The following RARA variants were observed in gnomAD, a reference collection of about 807,000 sequenced individuals.
The protein encoded by RARA is PML-DDX5-RARA fusion.
A neutral mutation model predicts 42.8 loss-of-function variants in RARA; 5 were observed. That is an observed-to-expected ratio of 0.12 (90% confidence interval 0.06 to 0.25). The LOEUF is 0.25. RARA is among the 10% of genes least tolerant of loss of function. RARA has a pLI of 1.00. For missense variants in RARA, 402 were observed against 628.7 expected (o/e 0.64, Z 3.86); for synonymous variants, 256 against 259.5 (o/e 0.99, Z 0.13).
intron 2 of RARA, among the ~76,000 whole-genome samples, chr17:40,343,919 A>T (rs2034162214): frequency 6.6e-6 from 1 of 152,122 alleles, no homozygotes; most frequent in African/African-American, 2.4e-5. Flanking sequence ...CGCAGCTGTG[A>T]GGCAGTGTAC....
intron 2 of RARA, chr17:40,341,725 G>A (rs370663795): frequency 3.1e-6 from 4 of 1,307,082 alleles, no homozygotes; most frequent in African/African-American, 1.5e-5. Context: ...GTGTTAAGGG[G>A]AGGACACCGG....
chr17:40,347,687 G>T (rs1242025531), intron 2 of RARA, among the ~76,000 whole-genome samples: 2 of 152,160 alleles, frequency 1.3e-5, no homozygotes, highest in Non-Finnish European at 2.9e-5. Flanking sequence ...TGTATTCAGG[G>T]TATCTCCCCC....
Position 40,356,491 on chromosome 17 carries a change from GGATGGGTCCTGGGGGCCTCGTGT to G in RARA, c.*266_*288del. On this transcript the variant is annotated 3_prime_UTR_variant, in exon 9 of 9. Transcript: ENST00000254066. The stretch of plus-strand genomic sequence containing the variant: ...GTGAGGCCCCTGGTCCTGGGTCTCA[GGATGGGTCCTGGGGGCCTCGTGT>G]TCATCAAGACACCCCTCTGCCCAGC... 1 of 684,406 alleles carries G rather than the reference GGATGGGTCCTGGGGGCCTCGTGT, an allele frequency of 1.5e-6. No homozygotes were observed. Among genetic ancestry groups the G allele is most frequent in the East Asian group, 2.8e-5 (1 of 35,960 alleles). 42.4% of individuals were successfully genotyped at this position (684,406 alleles called of 1,614,324 possible). A position where few individuals can be genotyped will look rare whatever the true frequency, so the allele number is the denominator to read the frequency against.
chr17:40,329,758 T>G (rs965105983), intron 1 of RARA, among the ~76,000 whole-genome samples: 4 of 152,230 alleles, frequency 2.6e-5, no homozygotes, highest in Non-Finnish European at 4.4e-5. Flanking sequence ...CCAGCCTCAT[T>G]GTGCTTTTGA....
At position 40,341,595 on chromosome 17, in the gene RARA, C is replaced by A. The variant is rs542057035; in HGVS notation, c.179-6721C>A. 1,655 of 1,360,208 alleles carry A rather than the reference C, an allele frequency of 1.2e-3. 24 individuals are homozygous for A. The South Asian group carries it at 0.02, about 17-fold the overall frequency. The allele number at this position is 1,360,208 out of a possible 1,614,324, so 84.3% of individuals were successfully genotyped here. A position where few individuals can be genotyped will look rare whatever the true frequency, so the allele number is the denominator to read the frequency against. On this transcript the variant is annotated intron_variant, in intron 2 of 8. Coordinates refer to ENST00000254066, the MANE Select transcript of RARA (RefSeq NM_000964.4). ...CGAGCCCCGCGGGCGGGCTGGCGAG[C>A]GGGTGATGTCACGGGCAGCGGTGGG...
Position 40,352,458 on chromosome 17 carries a change from C to A in RARA, c.758C>A (p.Thr253Asn), listed in dbSNP as rs1298679769. The A allele has an allele frequency of 1.2e-6, 2 of 1,613,608 alleles. No homozygotes were observed. Among genetic ancestry groups the A allele is most frequent in the Non-Finnish European group, 1.7e-6 (2 of 1,179,788 alleles). The change falls in exon 6 of 9, where the codon ACC becomes AAC. Residue 253 changes from threonine (T) to asparagine (N), a missense_variant. Coordinates refer to ENST00000254066, the MANE Select transcript of RARA (RefSeq NM_000964.4). The surrounding 1 kb of genome is among the most constrained non-coding windows in gnomAD (Gnocchi z 4.9). ...AKQLPGFTTL[T>N]IADQITLLKA... is the part of the protein sequence containing the mutation. ...CAGCTGCCCGGCTTCACCACCCTCA[C>A]CATCGCCGACCAGATCACCCTCCTC...
In RARA at chr17:40,354,611, G is replaced by A; in HGVS notation, c.1012+105G>A. On this transcript the variant is annotated intron_variant, in intron 7 of 8. Coordinates refer to ENST00000254066, the MANE Select transcript of RARA (RefSeq NM_000964.4). This position sits in a 1 kb window ranked among gnomAD's most constrained non-coding sequence, Gnocchi z 4.5. ...GCCACCTCTGTTAGGTATCTCTAGA[G>A]GGCAGGGTCTGGTCTGCAACTACAC... is the stretch of plus-strand genomic sequence containing the variant. The A allele has an allele frequency of 7.4e-7, 1 of 1,356,356 alleles. No individual in the cohort carries two copies. The highest frequency in any genetic ancestry group is 1.3e-5 in the South Asian group (1 of 74,488). 84.0% of individuals were successfully genotyped at this position (1,356,356 alleles called of 1,614,324 possible). A position where few individuals can be genotyped will look rare whatever the true frequency, so the allele number is the denominator to read the frequency against.
In RARA at chr17:40,352,150, CT is replaced by C. The variant is rs1340900350; in HGVS notation, c.630+82del. 6 of 1,470,210 alleles carry C rather than the reference CT, an allele frequency of 4.1e-6. No individual in the cohort carries two copies. Among genetic ancestry groups the C allele is most frequent in the Non-Finnish European group, 5.4e-6 (6 of 1,114,532 alleles). 91.1% of individuals were successfully genotyped at this position (1,470,210 alleles called of 1,614,324 possible). A position where few individuals can be genotyped will look rare whatever the true frequency, so the allele number is the denominator to read the frequency against. On this transcript the variant is annotated intron_variant, in intron 5 of 8. Coordinates refer to ENST00000254066, the MANE Select transcript of RARA (RefSeq NM_000964.4). The surrounding 1 kb of genome is among the most constrained non-coding windows in gnomAD (Gnocchi z 4.9). ...GATGGGCCCCTCTCAGGCACCCCTT[CT>C]TGTGCCAGGCAAGATCTCTGCGTCC...
intron 1 of RARA, chr17:40,323,241 T>C (rs1165989177): frequency 1.3e-5 from 2 of 152,418 alleles, no homozygotes; most frequent in Non-Finnish European, 2.9e-5. Context: ...TGGCTGTGCC[T>C]GACCGTGGCT....
Position 40,320,349 on chromosome 17 carries a change from T to C in RARA, c.-362-10508T>C, listed in dbSNP as rs1403894752. ...AGGCAGCCTGGCAGGAAGCCAGCTGTGGGCAGCCCCATCCTGATCACCCAT... is the reference window on the plus strand; with the variant it reads ...AGGCAGCCTGGCAGGAAGCCAGCTGCGGGCAGCCCCATCCTGATCACCCAT... On this transcript the variant is annotated intron_variant, in intron 1 of 8. Coordinates refer to ENST00000254066, the MANE Select transcript of RARA (RefSeq NM_000964.4). The surrounding 1 kb of genome is among the most constrained non-coding windows in gnomAD (Gnocchi z 4.1). Among the ~76,000 whole-genome samples the C allele has an allele frequency of 1.3e-5, 2 of 152,136 alleles. No individual in the cohort carries two copies. Among genetic ancestry groups the C allele is most frequent in the African/African-American group, 4.8e-5 (2 of 41,416 alleles).
Position 40,352,323 on chromosome 17 carries a change from TC to T in RARA, c.631-3del. On this transcript the variant is annotated splice_polypyrimidine_tract_variant and splice_region_variant and intron_variant, in intron 5 of 8. Transcript: ENST00000254066. This position sits in a 1 kb window ranked among gnomAD's most constrained non-coding sequence, Gnocchi z 4.9. ...AGAAGAAGGCCCTCACTCTCCCTCC[TC>T]CCCCAGAACAACAGCTCAGAACAAC... 6.3e-7 allele frequency: 1 copy of T among 1,591,580 alleles called. No homozygotes were observed. The highest frequency in any genetic ancestry group is 8.6e-7 in the Non-Finnish European group (1 of 1,166,336).
At chr17:40,335,604 C>G (rs541089244) in intron 2 of RARA, among the ~76,000 whole-genome samples, 1 of 150,914 alleles carries the variant, frequency 6.6e-6, no homozygotes, top group African/African-American at 2.4e-5. Context: ...GCTAGAGAAT[C>G]GCTTGAACCC....
intron 1 of RARA, among the ~76,000 whole-genome samples, chr17:40,310,150 C>T (rs1442443293): frequency 6.6e-6 from 1 of 152,186 alleles, no homozygotes; most frequent in Non-Finnish European, 1.5e-5. Context: ...ATCTCAGGCT[C>T]CTGGTGTTTC....
At chr17:40,343,110 C>T (rs2034133207) in intron 2 of RARA, 1 of 632,492 alleles carries the variant, frequency 1.6e-6, no homozygotes. Context: ...TTTCAAGCAA[C>T]ATTCCTTCAT....
Position 40,351,983 on chromosome 17 carries a change from G to A in RARA, c.543G>A (p.Thr181=), listed in dbSNP as rs376136601. The change falls in exon 5 of 9, where the codon ACG becomes ACA. Residue 181 remains threonine (T), a synonymous_variant. Transcript: ENST00000254066. The surrounding 1 kb of genome is among the most constrained non-coding windows in gnomAD (Gnocchi z 4.1). ...KPECSESYTL[T]PEVGELIEKV... ...AGTGCTCTGAGAGCTACACGCTGAC[G>A]CCGGAGGTGGGGGAGCTCATTGAGA... 5.0e-5 allele frequency: 81 copies of A among 1,606,086 alleles called. No individual in the cohort carries two copies. The African/African-American group carries it at 7.8e-4, about 15-fold the overall frequency.
In RARA at chr17:40,320,268, T is replaced by TGCACC. The variant is rs908626860; in HGVS notation, c.-362-10587_-362-10583dup. On this transcript the variant is annotated intron_variant, in intron 1 of 8. Transcript: ENST00000254066. The surrounding 1 kb of genome is among the most constrained non-coding windows in gnomAD (Gnocchi z 4.1). ...TCTATCCCTTCAGTCTGACCCTAAA[T>TGCACC]GCACCGGCTGCCACCCTGGGACACC... 8.5e-5 allele frequency among the ~76,000 whole-genome samples: 13 copies of TGCACC among 152,244 alleles called. No homozygotes were observed. The highest frequency in any genetic ancestry group is 4.1e-4 in the South Asian group (2 of 4,824).
intron 1 of RARA, among the ~76,000 whole-genome samples, chr17:40,328,618 C>G (rs997644959): frequency 1.3e-5 from 2 of 152,158 alleles, no homozygotes; most frequent in African/African-American, 4.8e-5. Flanking sequence ...CTCCTGGTAA[C>G]CACAAGTCTG....
intron 1 of RARA, chr17:40,323,076 G>A (rs1226087994): frequency 6.6e-6 from 1 of 152,232 alleles, no homozygotes; most frequent in Non-Finnish European, 1.5e-5. Context: ...CCAGGCTGGG[G>A]GGGTACTTGG....
chr17:40,342,356 CT>C, intron 2 of RARA: 1 of 1,079,818 alleles, frequency 9.3e-7, no homozygotes, highest in South Asian at 4.2e-5. Flanking sequence ...GGCCTGCGGA[CT>C]TGGGGAGCCG....
Sources: allele counts gnomAD v4.1 joint callset (sites outside exome capture counted in the v4.1 genomes callset), GRCh38; gene constraint gnomAD v4.1.1; non-coding constraint Gnocchi (gnomAD v3.1); transcripts MANE v1.5; gene names NCBI Gene and HGNC (gene_info 2026-07-23, HGNC 2026-07-21).